PFKP: variants seen among roughly 807,000 people sequenced by gnomAD.
The protein encoded by PFKP is phosphofructokinase, platelet.
PFKP carries 101 observed loss-of-function variants against 94.3 expected under a neutral mutation model. The ratio of observed to expected loss-of-function variants is 1.07; its 90% confidence interval spans 0.91 to 1.26. The LOEUF is 1.26. PFKP is among the 50% of genes most tolerant of loss of function. The pLI is 0.00. For missense variants in PFKP, 1,145 were observed against 1,103.3 expected (o/e 1.04, Z -0.53); for synonymous variants, 573 against 432.6 (o/e 1.32, Z -4.03).
intron 2 of PFKP, among the ~76,000 whole-genome samples, chr10:3,093,837 G>A (rs530831257): frequency 3.7e-4 from 57 of 152,160 alleles, no homozygotes; most frequent in Non-Finnish European, 6.9e-4. Context: ...TAGAGGTGGG[G>A]TTTCACCGTG....
At chr10:3,077,567 A>G (rs1449111455) in intron 1 of PFKP, among the ~76,000 whole-genome samples, 1 of 149,328 alleles carries the variant, frequency 6.7e-6, no homozygotes, top group Non-Finnish European at 1.5e-5. Context: ...TGCCTGGCCT[A>G]TTCCTTACTT....
intron 2 of PFKP, among the ~76,000 whole-genome samples, chr10:3,082,781 C>T (rs1056412508): frequency 2.6e-5 from 4 of 152,174 alleles, no homozygotes; most frequent in Admixed American, 1.3e-4. Context: ...TGCAGAGGCA[C>T]GATCTTGGCT....
At chr10:3,095,010 G>C (rs1357142550) in intron 2 of PFKP, among the ~76,000 whole-genome samples, 3 of 152,156 alleles carry the variant, frequency 2.0e-5, no homozygotes, top group African/African-American at 4.8e-5. Flanking sequence ...ATCTCTAGGA[G>C]CTTGTTTTAT....
chr10:3,104,339 G>A (rs1045811481), intron 5 of PFKP, among the ~76,000 whole-genome samples: 7 of 152,184 alleles, frequency 4.6e-5, no homozygotes, highest in Non-Finnish European at 1.0e-4. Flanking sequence ...AGTGTCGTGG[G>A]GGCCACAGCG....
chr10:3,068,942 C>G (rs1157187210), intron 1 of PFKP, among the ~76,000 whole-genome samples: 1 of 152,192 alleles, frequency 6.6e-6, no homozygotes, highest in Non-Finnish European at 1.5e-5. Context: ...GGATGCACCC[C>G]CTGCCCACTG....
At chr10:3,070,120 G>A (rs1832074948) in intron 1 of PFKP, 2 of 151,908 alleles carry the variant, frequency 1.3e-5, no homozygotes, top group African/African-American at 4.8e-5. Context: ...GCCCGCCATG[G>A]CGGGTCGCCT....
chr10:3,110,852 GTA>G (rs200257637), intron 10 of PFKP, among the ~76,000 whole-genome samples: 2,291 of 151,812 alleles, frequency 0.015, 49 homozygotes, highest in African/African-American at 0.052. Context: ...ATATGCATGA[GTA>G]TGCATGTTTG....
At chr10:3,097,824 G>A (rs1053933397) in intron 2 of PFKP, among the ~76,000 whole-genome samples, 6 of 152,196 alleles carry the variant, frequency 3.9e-5, no homozygotes, top group African/African-American at 9.6e-5. Context: ...GGCCAACATG[G>A]TGAAACCCTG....
intron 20 of PFKP, 143 bp from the exon 21 acceptor site, chr10:3,135,593 G>A (rs1039418754): frequency 7.5e-5 from 44 of 587,692 alleles, no homozygotes; most frequent in Admixed American, 2.3e-4. Flanking sequence ...CCCACTGCGC[G>A]GCTGTTCTCA....
At chr10:3,107,978 C>T (rs1049355872) in intron 8 of PFKP, 89 of 1,289,566 alleles carry the variant, frequency 6.9e-5, no homozygotes, top group Non-Finnish European at 8.8e-5. Context: ...CTTTGCAAGT[C>T]GGCTTCTTTA....
chr10:3,077,182 T>C (rs765143299), intron 1 of PFKP, among the ~76,000 whole-genome samples: 62 of 151,728 alleles, frequency 4.1e-4, no homozygotes, highest in Middle Eastern at 3.4e-3. Context: ...GGAGCTTTAT[T>C]ACTCCAGACA....
chr10:3,136,031 C>T (rs557350219), intron 21 of PFKP, among the ~76,000 whole-genome samples, 193 bp downstream of exon 21: 37 of 152,106 alleles, frequency 2.4e-4, no homozygotes, highest in East Asian at 9.7e-4. Flanking sequence ...TGTGGGAGGC[C>T]GAGACAGGTG....
intron 10 of PFKP, among the ~76,000 whole-genome samples, chr10:3,109,733 C>T (rs1835978260): frequency 6.6e-6 from 1 of 152,172 alleles, no homozygotes; most frequent in African/African-American, 2.4e-5. Flanking sequence ...CGTAACCTCC[C>T]CTGAGTGGGG....
chr10:3,100,850 G>C (rs1460967540), intron 3 of PFKP: 2 of 501,586 alleles, frequency 4.0e-6, no homozygotes, highest in East Asian at 2.8e-5. Flanking sequence ...AAGGGGCAGC[G>C]AGTATGTGGT....
At chr10:3,132,248 C>G (rs933224102) in intron 17 of PFKP, 132 bp from the exon 18 acceptor site, 2 of 652,624 alleles carry the variant, frequency 3.1e-6, no homozygotes, top group South Asian at 3.3e-5. Context: ...AAGACCCAAG[C>G]CGCGAGAGCT....
intron 2 of PFKP, among the ~76,000 whole-genome samples, chr10:3,083,513 T>C (rs1248640890): frequency 6.6e-6 from 1 of 152,188 alleles, no homozygotes; most frequent in Non-Finnish European, 1.5e-5. Flanking sequence ...GTATGACGTA[T>C]GTAAAACACC....
intron 4 of PFKP, among the ~76,000 whole-genome samples, chr10:3,101,984 G>C (rs953654202): frequency 3.3e-5 from 5 of 150,754 alleles, no homozygotes; most frequent in South Asian, 4.2e-4. Flanking sequence ...GGGCGCGGTG[G>C]CTCACGCCTG....
At position 3,119,922 on chromosome 10, in the gene PFKP, G is replaced by A. The variant is rs369184858; in HGVS notation, c.1561G>A (p.Ala521Thr). ...AYLGLLELSA[A>T]REKHEEFCVP... ...CCTGGGACTCCTGGAGCTGTCAGCCGCCCGGGAGAAGCACGAGGAGTTCTG... is the reference window on the plus strand; with the variant it reads ...CCTGGGACTCCTGGAGCTGTCAGCCACCCGGGAGAAGCACGAGGAGTTCTG... The change falls in exon 16 of 22, where the codon GCC becomes ACC. Residue 521 changes from alanine to threonine, a missense_variant. This residue lies in a region of PFKP where 1,119 missense variants were observed against 1,062.8 expected (regional missense o/e 1.05). Transcript: ENST00000381125. 78 of 1,614,056 alleles carry A rather than the reference G, an allele frequency of 4.8e-5. No individual in the cohort carries two copies. Among genetic ancestry groups the A allele is most frequent in the Middle Eastern group, 1.6e-4 (1 of 6,062 alleles).
At chr10:3,077,282 A>C (rs370970418) in intron 1 of PFKP, among the ~76,000 whole-genome samples, 1 of 30,578 alleles carries the variant, frequency 3.3e-5, no homozygotes, top group African/African-American at 1.1e-4. Flanking sequence ...TTTTTTTTTG[A>C]GATGGAATCT....
Sources: gnomAD v4.1 joint callset for allele counts (sites outside exome capture counted in the v4.1 genomes callset) on GRCh38, gnomAD v4.1.1 for gene constraint, gnomAD v4.1.1 regional missense constraint, MANE v1.5 for transcripts, NCBI Gene and HGNC (gene_info 2026-07-23, HGNC 2026-07-21) for gene names.